The following PTPRK variants were observed in gnomAD, a reference collection of about 807,000 sequenced individuals.
The protein encoded by PTPRK is protein tyrosine phosphatase receptor type K, also known as receptor-type tyrosine-protein phosphatase kappa.
In PTPRK, 75 loss-of-function variants were observed where a neutral mutation model predicts 178.0. The observed-to-expected ratio is 0.42, with a 90% CI of 0.35 to 0.51. The LOEUF (loss-of-function observed/expected upper bound fraction) is 0.51. Ranked by LOEUF, PTPRK falls within the 20% of genes least tolerant of loss-of-function variation. The pLI, the probability that PTPRK is intolerant of heterozygous loss-of-function variation, is 0.02. For missense variants in PTPRK, 1,441 were observed against 1,797.8 expected (o/e 0.80, Z 3.59); for synonymous variants, 637 against 620.6 (o/e 1.03, Z -0.39).
At chr6:128,453,716 A>C (rs1287711899) in intron 1 of PTPRK, among the ~76,000 whole-genome samples, 1 of 152,188 alleles carries the variant, frequency 6.6e-6, no homozygotes, top group Non-Finnish European at 1.5e-5. Context: ...GTGCTTTTAT[A>C]ATAAGTAATA....
At position 128,294,099 on chromosome 6, in the gene PTPRK, G is replaced by A. The variant is rs557024999; in HGVS notation, c.495+27940C>T. ...TTTTTCCACAAGGACAATTAAAAATGTTTATGTTTGATACATTAGTAAACT... is the reference window on the plus strand; with the variant it reads ...TTTTTCCACAAGGACAATTAAAAATATTTATGTTTGATACATTAGTAAACT... On this transcript the variant is annotated intron_variant, in intron 3 of 29. Transcript: ENST00000368226. 1.9e-4 allele frequency among the ~76,000 whole-genome samples: 29 copies of A among 152,136 alleles called. No homozygotes were observed. In the South Asian group the frequency reaches 5.6e-3, roughly 29 times the overall value.
At chr6:128,224,439 G>A (rs1246525717) in intron 5 of PTPRK, among the ~76,000 whole-genome samples, 1 of 152,114 alleles carries the variant, frequency 6.6e-6, no homozygotes, top group African/African-American at 2.4e-5. Context: ...TGGTAATAAA[G>A]GTTGATTCTC....
rs1347303058 is a variant in PTPRK at position 128,083,570 on chromosome 6, A to C, written c.1575+145T>G. The stretch of plus-strand genomic sequence containing the variant: ...TTGACGCTTAATTTTGGAATCAAAG[A>C]ATCTGTAAATTAAAACAAAGGAGAA... On this transcript the variant is annotated intron_variant, in intron 9 of 29. Coordinates refer to ENST00000368226, the MANE Select transcript of PTPRK (RefSeq NM_002844.4). 4 of 427,864 alleles carry C rather than the reference A, an allele frequency of 9.3e-6. No homozygotes were observed. The East Asian group carries it at 1.4e-4, about 15-fold the overall frequency. 26.5% of individuals were successfully genotyped at this position (427,864 alleles called of 1,614,324 possible).
At chr6:128,481,604 C>T (rs1852090646) in intron 1 of PTPRK, among the ~76,000 whole-genome samples, 1 of 152,064 alleles carries the variant, frequency 6.6e-6, no homozygotes, top group African/African-American at 2.4e-5. Context: ...TTAAGAATCC[C>T]TTCCACATCT....
intron 5 of PTPRK, among the ~76,000 whole-genome samples, chr6:128,229,866 G>A (rs949609825): frequency 6.6e-6 from 1 of 152,166 alleles, no homozygotes; most frequent in Non-Finnish European, 1.5e-5. Flanking sequence ...AAAGATTGGA[G>A]CATGTATTTT....
chr6:128,263,734 G>A (rs1562156118), intron 3 of PTPRK, among the ~76,000 whole-genome samples: 1 of 152,148 alleles, frequency 6.6e-6, no homozygotes, highest in Non-Finnish European at 1.5e-5. Context: ...GCATTTGAGA[G>A]TCTGTACAAG....
intron 10 of PTPRK, among the ~76,000 whole-genome samples, chr6:128,082,176 T>C (rs1784943671): frequency 6.6e-6 from 1 of 152,146 alleles, no homozygotes; most frequent in South Asian, 2.1e-4. Flanking sequence ...TTATAATGAA[T>C]TTTGAAAGAT....
At chr6:128,135,971 C>T (rs924504178) in intron 7 of PTPRK, among the ~76,000 whole-genome samples, 5 of 152,206 alleles carry the variant, frequency 3.3e-5, no homozygotes, top group South Asian at 2.1e-4. Context: ...ACGTTGAAGC[C>T]GTAACCTAAC....
At chr6:128,033,430 A>G (rs896088723) in intron 13 of PTPRK, among the ~76,000 whole-genome samples, 2 of 152,240 alleles carry the variant, frequency 1.3e-5, no homozygotes, top group African/African-American at 4.8e-5. Context: ...CACAGTTTCC[A>G]CTGCCAGATT....
At chr6:128,049,362 C>A (rs1256944257) in intron 13 of PTPRK, among the ~76,000 whole-genome samples, 1 of 152,054 alleles carries the variant, frequency 6.6e-6, no homozygotes, top group Admixed American at 6.6e-5. Flanking sequence ...TTTCCCATAC[C>A]ATTGGTTTTG....
Position 127,978,728 on chromosome 6 carries a change from C to A in PTPRK, c.3712-1674G>T, listed in dbSNP as rs146368621. On this transcript the variant is annotated intron_variant, in intron 25 of 29. Coordinates refer to ENST00000368226, the MANE Select transcript of PTPRK (RefSeq NM_002844.4). Reference sequence around the variant, plus strand: ...GGGAGGGGATATGCATGAGGAGGAGCTGATAAGAGAGGAGAAGACTGAAGA... The same window carrying A: ...GGGAGGGGATATGCATGAGGAGGAGATGATAAGAGAGGAGAAGACTGAAGA... Among the ~76,000 whole-genome samples, 6 of 152,244 alleles carry A rather than the reference C, an allele frequency of 3.9e-5. No homozygotes were observed. The East Asian group carries it at 1.2e-3, about 29-fold the overall frequency.
chr6:128,439,881 C>A (rs1348164253), intron 1 of PTPRK, among the ~76,000 whole-genome samples: 2 of 152,156 alleles, frequency 1.3e-5, no homozygotes, highest in East Asian at 3.9e-4. Flanking sequence ...ATACTAGAAG[C>A]AGAAGAGTAG....
chr6:128,261,257 C>A (rs879461012), intron 3 of PTPRK, among the ~76,000 whole-genome samples: 5 of 152,066 alleles, frequency 3.3e-5, no homozygotes, highest in Admixed American at 6.6e-5. Flanking sequence ...GATGTAAAAG[C>A]AGAAATCAAT....
In PTPRK at chr6:128,168,518, C is replaced by A. The variant is rs192627875; in HGVS notation, c.1162+15914G>T. 4.7e-4 allele frequency among the ~76,000 whole-genome samples: 71 copies of A among 152,148 alleles called. 1 individual carries two copies. The highest frequency in any genetic ancestry group is 4.3e-3 in the Admixed American group (65 of 15,276). The stretch of plus-strand genomic sequence containing the variant: ...GCCTGTTAGAAACTGGGTTGCACAG[C>A]AGGAGGTGAGCGGAAGGCAAGGGAG... On this transcript the variant is annotated intron_variant, in intron 7 of 29. Transcript: ENST00000368226.
At chr6:128,383,592 T>A (rs1055812920) in intron 2 of PTPRK, among the ~76,000 whole-genome samples, 1 of 152,216 alleles carries the variant, frequency 6.6e-6, no homozygotes, top group African/African-American at 2.4e-5. Flanking sequence ...CATACTTATG[T>A]GTTCCAGAAG....
intron 13 of PTPRK, among the ~76,000 whole-genome samples, chr6:128,018,777 T>C (rs1461769594): frequency 1.3e-5 from 2 of 152,076 alleles, no homozygotes; most frequent in East Asian, 1.9e-4. Context: ...ACCATAAATA[T>C]TATAGCATCA....
chr6:128,118,291 C>A (rs1299680836), intron 7 of PTPRK, among the ~76,000 whole-genome samples: 1 of 152,136 alleles, frequency 6.6e-6, no homozygotes, highest in Non-Finnish European at 1.5e-5. Flanking sequence ...CTGTGTTGCA[C>A]AAATACCCTG....
At chr6:128,365,267 C>T (rs1452002653) in intron 2 of PTPRK, among the ~76,000 whole-genome samples, 1 of 151,978 alleles carries the variant, frequency 6.6e-6, no homozygotes, top group Non-Finnish European at 1.5e-5. Context: ...ATTCAATTTT[C>T]CTAGCAATCT....
intron 13 of PTPRK, among the ~76,000 whole-genome samples, chr6:128,016,618 T>G (rs540498399): frequency 6.6e-6 from 1 of 152,120 alleles, no homozygotes; most frequent in East Asian, 1.9e-4. Context: ...ACTTTACTTA[T>G]GGTATGAATA....
Sources: allele counts gnomAD v4.1 joint callset (sites outside exome capture counted in the v4.1 genomes callset), GRCh38; gene constraint gnomAD v4.1.1; transcripts MANE v1.5; gene names NCBI Gene and HGNC (gene_info 2026-07-23, HGNC 2026-07-21).